The following PTPRR variants were observed in gnomAD, a reference collection of about 807,000 sequenced individuals.
The protein encoded by PTPRR is protein tyrosine phosphatase receptor type R.
A neutral mutation model predicts 77.2 loss-of-function variants in PTPRR; 38 were observed. The ratio of observed to expected loss-of-function variants is 0.49; its 90% CI spans 0.38 to 0.65. The LOEUF (loss-of-function observed/expected upper bound fraction) is 0.65. PTPRR is among the 30% of genes least tolerant of loss of function. PTPRR has a pLI of 0.00. For synonymous variants in PTPRR, 299 were observed against 283.1 expected (o/e 1.06, Z -0.57); for missense variants, 744 against 799.2 (o/e 0.93, Z 0.83).
intron 10 of PTPRR, among the ~76,000 whole-genome samples, chr12:70,669,622 T>C (rs1290578996): frequency 1.3e-5 from 2 of 151,128 alleles, no homozygotes; most frequent in East Asian, 3.9e-4. Flanking sequence ...TGGAGTGCAG[T>C]GGCACGATCA....
At chr12:70,675,603 A>C (rs1379904252) in intron 10 of PTPRR, among the ~76,000 whole-genome samples, 1 of 151,680 alleles carries the variant, frequency 6.6e-6, no homozygotes, top group Non-Finnish European at 1.5e-5. Context: ...TTTTAGTTTC[A>C]CCTTCATATT....
At chr12:70,713,709 C>T (rs1000334623) in intron 6 of PTPRR, among the ~76,000 whole-genome samples, 2 of 151,976 alleles carry the variant, frequency 1.3e-5, no homozygotes, top group Non-Finnish European at 2.9e-5. Context: ...TGGATAAATG[C>T]CTAATGAAAT....
rs146639716 is a variant in PTPRR, at chr12:70,852,535, C to T, written c.357+40144G>A. Among the ~76,000 whole-genome samples, 25 of 152,252 alleles carry T rather than the reference C, an allele frequency of 1.6e-4. No homozygotes were observed. In the East Asian group the frequency reaches 4.1e-3, roughly 25 times the overall value. The stretch of plus-strand genomic sequence containing the variant: ...TAATCAGCACTGAGCAAACAGCAAT[C>T]GAATCCCTTCTCAGGAGAGGCTGAT... On this transcript the variant is annotated intron_variant, in intron 2 of 13. Transcript: ENST00000283228.
chr12:70,854,042 A>C (rs1348291532), intron 2 of PTPRR, among the ~76,000 whole-genome samples: 1 of 152,218 alleles, frequency 6.6e-6, no homozygotes, highest in African/African-American at 2.4e-5. Flanking sequence ...ATCAAACCTT[A>C]ACACTTACAA....
At chr12:70,776,639 G>A (rs1891094474) in intron 2 of PTPRR, among the ~76,000 whole-genome samples, 1 of 151,874 alleles carries the variant, frequency 6.6e-6, no homozygotes, top group South Asian at 2.1e-4. Context: ...TTTTCACATT[G>A]TTAGCGCACA....
chr12:70,864,840 C>G (rs1485881128), intron 2 of PTPRR, among the ~76,000 whole-genome samples: 2 of 152,154 alleles, frequency 1.3e-5, no homozygotes, highest in African/African-American at 4.8e-5. Context: ...AGATGGAGCT[C>G]TCACTCTGTT....
chr12:70,874,241 A>C (rs1283270785), intron 2 of PTPRR, among the ~76,000 whole-genome samples: 3 of 152,208 alleles, frequency 2.0e-5, no homozygotes, highest in Non-Finnish European at 4.4e-5. Flanking sequence ...GAACAAAAAA[A>C]GTCCCCTGAT....
At chr12:70,781,117 G>A (rs1891194558) in intron 2 of PTPRR, among the ~76,000 whole-genome samples, 1 of 152,166 alleles carries the variant, frequency 6.6e-6, no homozygotes, top group Admixed American at 6.5e-5. Flanking sequence ...TTTGATCTCT[G>A]TAGGCCCAGT....
At chr12:70,791,054 G>A (rs1162955697) in intron 2 of PTPRR, among the ~76,000 whole-genome samples, 1 of 152,112 alleles carries the variant, frequency 6.6e-6, no homozygotes, top group Non-Finnish European at 1.5e-5. Context: ...AGTTCTCCCT[G>A]CTTCCACTCT....
At chr12:70,769,422 A>C (rs1293022472) in intron 2 of PTPRR, among the ~76,000 whole-genome samples, 2 of 152,204 alleles carry the variant, frequency 1.3e-5, no homozygotes, top group Non-Finnish European at 2.9e-5. Context: ...TGCTTCAAAG[A>C]ATATAAAATA....
At chr12:70,850,024 A>C in intron 2 of PTPRR, among the ~76,000 whole-genome samples, 1 of 152,310 alleles carries the variant, frequency 6.6e-6, no homozygotes, top group East Asian at 1.9e-4. Context: ...ATTAATTTGA[A>C]CTTAGACATT....
At chr12:70,847,214 A>G (rs1892500174) in intron 2 of PTPRR, among the ~76,000 whole-genome samples, 1 of 152,216 alleles carries the variant, frequency 6.6e-6, no homozygotes, top group Non-Finnish European at 1.5e-5. Context: ...ATATCACAGG[A>G]GTTGTGTGAG....
intron 6 of PTPRR, among the ~76,000 whole-genome samples, chr12:70,719,264 T>C (rs983363073): frequency 1.3e-5 from 2 of 152,178 alleles, no homozygotes; most frequent in Admixed American, 6.5e-5. Flanking sequence ...CTTCTAATCA[T>C]GCTTTCTAAC....
At chr12:70,754,128 G>C (rs1890492061) in intron 5 of PTPRR, 63 bp downstream of exon 5, 2 of 1,437,154 alleles carry the variant, frequency 1.4e-6, no homozygotes, top group African/African-American at 2.9e-5. Flanking sequence ...GAATGGCAAT[G>C]TACCCACTAA....
intron 2 of PTPRR, among the ~76,000 whole-genome samples, chr12:70,827,728 T>TC (rs1892138646): frequency 7.2e-6 from 1 of 138,320 alleles, no homozygotes; most frequent in Non-Finnish European, 1.6e-5. Context: ...TTTTTTTTTT[T>TC]TTTTTTTGAG....
At chr12:70,783,009 C>T (rs900167822) in intron 2 of PTPRR, among the ~76,000 whole-genome samples, 6 of 152,062 alleles carry the variant, frequency 3.9e-5, no homozygotes, top group African/African-American at 1.4e-4. Context: ...GTAACTGCAT[C>T]CCTTTCATAG....
At chr12:70,780,928 C>T (rs1224882156) in intron 2 of PTPRR, among the ~76,000 whole-genome samples, 1 of 152,152 alleles carries the variant, frequency 6.6e-6, no homozygotes. Flanking sequence ...CTGGTCTGTT[C>T]TTTGCAAGTG....
At chr12:70,682,034 CTTTTTTTTTTTTTT>C (rs578204454) in intron 10 of PTPRR, among the ~76,000 whole-genome samples, 5 of 62,722 alleles carry the variant, frequency 8.0e-5, no homozygotes, top group South Asian at 7.8e-4. Context: ...TTGTTGTTCA[CTTTTTTTTTTTTTT>C]TTTTTTTTTT....
At chr12:70,707,505 G>C (rs1263474586) in intron 6 of PTPRR, among the ~76,000 whole-genome samples, 1 of 151,818 alleles carries the variant, frequency 6.6e-6, no homozygotes, top group Non-Finnish European at 1.5e-5. Context: ...TCCCATTATT[G>C]AGATGTGTCA....
Sources: allele counts gnomAD v4.1 joint callset (sites outside exome capture counted in the v4.1 genomes callset), GRCh38; gene constraint gnomAD v4.1.1; transcripts MANE v1.5; gene names NCBI Gene and HGNC (gene_info 2026-07-23, HGNC 2026-07-21).